The following KAT6A variants were observed in gnomAD, a reference collection of about 807,000 sequenced individuals.
KAT6A encodes the protein histone acetyltransferase KAT6A.
KAT6A carries 9 observed loss-of-function variants against 198.4 expected under a neutral mutation model. The observed-to-expected ratio is 0.05, with a 90% CI of 0.03 to 0.08. The LOEUF is 0.08. Ranked by LOEUF, KAT6A falls within the 10% of genes least tolerant of loss-of-function variation. The probability of loss-of-function intolerance (pLI) is 1.00; values close to 1 mark genes in which losing one functional copy is unlikely to be tolerated. For synonymous variants in KAT6A, 890 were observed against 883.0 expected, an observed-to-expected ratio of 1.01 and a Z score of -0.14; for missense variants, 2,077 against 2,509.9, an observed-to-expected ratio of 0.83 and a Z score of 3.69.
chr8:41,963,488 A>G (rs1436370378), intron 8 of KAT6A, among the ~76,000 whole-genome samples: 1 of 152,152 alleles, frequency 6.6e-6, no homozygotes, highest in Non-Finnish European at 1.5e-5. Flanking sequence ...CCTAACTCCC[A>G]ATCCAACAGC....
intron 1 of KAT6A, among the ~76,000 whole-genome samples, chr8:42,050,470 T>G (rs568612664): frequency 6.6e-6 from 1 of 152,322 alleles, no homozygotes; most frequent in East Asian, 1.9e-4. Flanking sequence ...ACAGCAACTA[T>G]TCTTGGTAGT....
chr8:41,987,936 G>A (rs1186861693), intron 2 of KAT6A, among the ~76,000 whole-genome samples: 1 of 152,178 alleles, frequency 6.6e-6, no homozygotes, highest in Non-Finnish European at 1.5e-5. Context: ...TACAAGAGCA[G>A]TAAGATATAT....
chr8:42,009,595 T>G (rs968084212), intron 2 of KAT6A, among the ~76,000 whole-genome samples: 6 of 151,892 alleles, frequency 4.0e-5, no homozygotes, highest in African/African-American at 1.5e-4. Flanking sequence ...CACAACATAT[T>G]AAACATTAAC....
chr8:42,029,728 G>C (rs1827012823), intron 2 of KAT6A, among the ~76,000 whole-genome samples: 1 of 151,578 alleles, frequency 6.6e-6, no homozygotes, highest in Non-Finnish European at 1.5e-5. Flanking sequence ...AAAATGCTGG[G>C]ATTGATTACA....
At chr8:41,950,245 G>C (rs1185838028) in intron 9 of KAT6A, among the ~76,000 whole-genome samples, 1 of 152,146 alleles carries the variant, frequency 6.6e-6, no homozygotes, top group Non-Finnish European at 1.5e-5. Context: ...AGATAAAGAG[G>C]TTTTTCCTTC....
intron 5 of KAT6A, 70 bp from the exon 6 acceptor site, chr8:41,978,847 TAA>T: frequency 2.1e-6 from 3 of 1,427,760 alleles, no homozygotes; most frequent in Non-Finnish European, 2.9e-6. Context: ...CAGATAGTCT[TAA>T]GTCAGGATCT....
At chr8:41,943,555 A>G (rs1346661448) in intron 13 of KAT6A, among the ~76,000 whole-genome samples, 193 bp downstream of exon 13, 1 of 152,172 alleles carries the variant, frequency 6.6e-6, no homozygotes, top group Non-Finnish European at 1.5e-5. Context: ...TAAAAAGCAT[A>G]TATATAGACT....
At position 42,048,772 on chromosome 8, in the gene KAT6A, T is replaced by C. The variant is rs757883014; in HGVS notation, c.206A>G (p.Asn69Ser). Reference sequence around the variant, plus strand: ...AGGATTATCAGGATCTTTATAGGAATTGAGTCCTTTATTTGAGACTTTTAA... The same window carrying C: ...AGGATTATCAGGATCTTTATAGGAACTGAGTCCTTTATTTGAGACTTTTAA... ...TILKVSNKGL[N>S]SYKDPDNPGR... is the part of the protein sequence containing the mutation. Residue 69 changes from asparagine to serine, a missense_variant, in exon 2 of 17, where the codon AAT becomes AGT. Asn to Ser is a conservative substitution (Grantham distance 46). Coordinates refer to ENST00000265713, the MANE Select transcript of KAT6A (RefSeq NM_006766.5). 64 of 1,614,112 alleles carry C rather than the reference T, an allele frequency of 4.0e-5. No individual in the cohort carries two copies. In the South Asian group the frequency reaches 4.7e-4, roughly 12 times the overall value.
chr8:42,025,799 G>A (rs1169812132), intron 2 of KAT6A, among the ~76,000 whole-genome samples: 1 of 152,072 alleles, frequency 6.6e-6, no homozygotes, highest in Non-Finnish European at 1.5e-5. Flanking sequence ...TGTTATCCAT[G>A]CTTTCGAGGT....
chr8:42,041,991 C>T (rs1040820976), intron 2 of KAT6A, among the ~76,000 whole-genome samples: 4 of 152,148 alleles, frequency 2.6e-5, no homozygotes, highest in South Asian at 2.1e-4. Context: ...CCTTTTTATA[C>T]AGTATCAACG....
chr8:41,996,571 C>T (rs1825214993), intron 2 of KAT6A, among the ~76,000 whole-genome samples: 1 of 152,154 alleles, frequency 6.6e-6, no homozygotes, highest in Admixed American at 6.5e-5. Flanking sequence ...GTAATTGGGC[C>T]ATGAGGGCTC....
intron 8 of KAT6A, among the ~76,000 whole-genome samples, chr8:41,955,816 G>A (rs886084526): frequency 2.0e-5 from 3 of 152,146 alleles, no homozygotes; most frequent in Non-Finnish European, 4.4e-5. Flanking sequence ...CACTGCCTCC[G>A]CTGACAACAA....
chr8:41,981,778 A>C (rs1479683720), intron 4 of KAT6A, 61 bp downstream of exon 4: 1 of 999,142 alleles, frequency 1.0e-6, no homozygotes, highest in African/African-American at 1.6e-5. Flanking sequence ...TTAGATGAAA[A>C]TGCTGGTCGT....
In KAT6A at chr8:41,937,557, G is replaced by A; in HGVS notation, c.3051C>T (p.Leu1017=). 6.2e-7 allele frequency: 1 copy of A among 1,609,018 alleles called. No homozygotes were observed. The highest frequency in any genetic ancestry group is 8.5e-7 in the Non-Finnish European group (1 of 1,177,274). The change falls in exon 16 of 17, where the codon CTC becomes CTT. Residue 1017 remains leucine (L), a synonymous_variant. Transcript: ENST00000265713. ...KPTLKRKKPF[L]HRRRRVRKRK... is the part of the protein sequence containing the mutation. Reference sequence around the variant, plus strand: ...GCTTTCGGACTCTCCTCCTTCGGTGGAGAAATGGTTTCTGTTTAATAGAGA... The same window carrying A: ...GCTTTCGGACTCTCCTCCTTCGGTGAAGAAATGGTTTCTGTTTAATAGAGA...
Position 41,933,452 on chromosome 8 carries a change from C to A in KAT6A, c.4768G>T (p.Gly1590Cys), listed in dbSNP as rs751096264. 1 of 1,612,836 alleles carries A rather than the reference C, an allele frequency of 6.2e-7. No homozygotes were observed. Among genetic ancestry groups the A allele is most frequent in the Non-Finnish European group, 8.5e-7 (1 of 1,179,270 alleles). ...NSSSQSSCSY[G>C]GLSSSSSLTQ... is the part of the protein sequence containing the mutation. ...AGGCTGCTGGAGGACGACAGCCCAC[C>A]GTAGGAGCAGCTGCTCTGGGAAGAG... Residue 1590 changes from glycine to cysteine, a missense_variant, in exon 17 of 17, where the codon GGT (glycine) becomes TGT (cysteine). This residue lies in a region of KAT6A where 500 missense variants were observed against 577.2 expected (regional missense o/e 0.87). Coordinates refer to ENST00000265713, the MANE Select transcript of KAT6A (RefSeq NM_006766.5). This position sits in a 1 kb window ranked among gnomAD's most constrained non-coding sequence, Gnocchi z 6.2.
intron 8 of KAT6A, among the ~76,000 whole-genome samples, chr8:41,967,971 A>G (rs1823596372): frequency 6.6e-6 from 1 of 152,098 alleles, no homozygotes; most frequent in East Asian, 1.9e-4. Flanking sequence ...ACAAAAATCA[A>G]TTCAAGATGG....
chr8:41,933,675 T>C lies in KAT6A; in HGVS notation c.4545A>G (p.Glu1515=), dbSNP rs1232528143. ...TAGAGGGTGCGGACAGGGATCCTTG[T>C]TCTGGGCTGATCTGGGTGTAGCCAC... ...LESGYTQISP[E]QGSLSAPSMQ... is the part of the protein sequence containing the mutation. Residue 1515 remains glutamate (E), a synonymous_variant, in exon 17 of 17, where the codon GAA becomes GAG. Coordinates refer to ENST00000265713, the MANE Select transcript of KAT6A (RefSeq NM_006766.5). This position sits in a 1 kb window ranked among gnomAD's most constrained non-coding sequence, Gnocchi z 6.2. 1.2e-6 allele frequency: 2 copies of C among 1,614,106 alleles called. No individual in the cohort carries two copies. The highest frequency in any genetic ancestry group is 1.7e-6 in the Non-Finnish European group (2 of 1,180,004).
At chr8:42,030,320 T>C (rs1045139506) in intron 2 of KAT6A, among the ~76,000 whole-genome samples, 6 of 152,190 alleles carry the variant, frequency 3.9e-5, no homozygotes, top group African/African-American at 1.4e-4. Context: ...GGGGACTTTC[T>C]CCCGGCTCCA....
intron 2 of KAT6A, among the ~76,000 whole-genome samples, chr8:42,012,832 T>A (rs1385145021): frequency 6.6e-6 from 1 of 152,136 alleles, no homozygotes; most frequent in Non-Finnish European, 1.5e-5. Flanking sequence ...GGGGAAGAGA[T>A]AAACAAACTA....
Sources: gnomAD v4.1 joint callset for allele counts (sites outside exome capture counted in the v4.1 genomes callset) on GRCh38, gnomAD v4.1.1 for gene constraint, gnomAD v4.1.1 regional missense constraint, Gnocchi (gnomAD v3.1) non-coding constraint, MANE v1.5 for transcripts, NCBI Gene and HGNC (gene_info 2026-07-23, HGNC 2026-07-21) for gene names.